UBE2V2: variants seen among roughly 807,000 people sequenced by gnomAD.
The protein encoded by UBE2V2 is ubiquitin-conjugating enzyme E2 variant 2.
A neutral mutation model predicts 17.2 loss-of-function variants in UBE2V2; 9 were observed. The observed-to-expected ratio is 0.52, with a 90% confidence interval of 0.32 to 0.91. The LOEUF is 0.91. Ranked by LOEUF, UBE2V2 falls within the 40% of genes least tolerant of loss-of-function variation. The probability of loss-of-function intolerance (pLI) is 0.04; values close to 1 mark genes in which losing one functional copy is unlikely to be tolerated. For synonymous variants in UBE2V2, 61 were observed against 57.5 expected (o/e 1.06, Z -0.28); for missense variants, 133 against 182.6 (o/e 0.73, Z 1.56).
At chr8:48,028,722 G>A (rs1405220717) in intron 1 of UBE2V2, among the ~76,000 whole-genome samples, 1 of 152,100 alleles carries the variant, frequency 6.6e-6, no homozygotes, top group Non-Finnish European at 1.5e-5. Flanking sequence ...CTGACCTCAA[G>A]TGATCTGCCT....
chr8:48,028,770 G>A (rs1778796807), intron 1 of UBE2V2, among the ~76,000 whole-genome samples: 1 of 152,160 alleles, frequency 6.6e-6, no homozygotes, highest in Non-Finnish European at 1.5e-5. Flanking sequence ...ACAGGTGTGA[G>A]CTACTGCACC....
chr8:48,040,863 T>G lies in UBE2V2; in HGVS notation c.17-2170T>G, dbSNP rs1160027150. ...GGCTGGGTTTTTTTTTTTTTTTTTT[T>G]TTTGTGTGTGTGTGTGTGTGAGACA... On this transcript the variant is annotated intron_variant, in intron 1 of 3. Coordinates refer to ENST00000523111, the MANE Select transcript of UBE2V2 (RefSeq NM_003350.3). 3.0e-4 allele frequency among the ~76,000 whole-genome samples: 43 copies of G among 142,216 alleles called. 1 individual carries two copies. Among genetic ancestry groups the G allele is most frequent in the African/African-American group, 1.1e-3 (41 of 38,390 alleles). 93.3% of individuals were successfully genotyped at this position (142,216 alleles called of 152,430 possible).
At chr8:48,044,768 C>T (rs1166487319) in intron 2 of UBE2V2, among the ~76,000 whole-genome samples, 1 of 152,100 alleles carries the variant, frequency 6.6e-6, no homozygotes, top group Non-Finnish European at 1.5e-5. Context: ...AATTGATGAA[C>T]ATTCTGACTT....
intron 3 of UBE2V2, among the ~76,000 whole-genome samples, chr8:48,053,642 T>C (rs2091553709): frequency 6.6e-6 from 1 of 151,720 alleles, no homozygotes; most frequent in Non-Finnish European, 1.5e-5. Flanking sequence ...GTTAGGCTGG[T>C]CTCAAACTCC....
chr8:48,028,836 C>T (rs1295340004), intron 1 of UBE2V2, among the ~76,000 whole-genome samples: 6 of 152,056 alleles, frequency 3.9e-5, no homozygotes, highest in African/African-American at 4.8e-5. Context: ...GTTGAGTTAT[C>T]GGAGTTCTTT....
chr8:48,046,827 C>T (rs2091503111), intron 2 of UBE2V2, among the ~76,000 whole-genome samples: 1 of 151,900 alleles, frequency 6.6e-6, no homozygotes, highest in South Asian at 2.1e-4. Flanking sequence ...TCTCAAACTC[C>T]TGGGCTCAAA....
chr8:48,003,412 A>G, the UBE2V2 span, among the ~76,000 whole-genome samples: 1 of 152,128 alleles, frequency 6.6e-6, no homozygotes, highest in South Asian at 2.1e-4. Context: ...AAGTGGTTGA[A>G]CTTTGTCCTC....
At chr8:48,024,086 A>G (rs2091323839) in intron 1 of UBE2V2, among the ~76,000 whole-genome samples, 1 of 152,230 alleles carries the variant, frequency 6.6e-6, no homozygotes, top group South Asian at 2.1e-4. Flanking sequence ...GCTGGAACTC[A>G]GCAGCTGTTT....
intron 2 of UBE2V2, among the ~76,000 whole-genome samples, chr8:48,048,932 T>C (rs937323259): frequency 2.0e-5 from 3 of 152,066 alleles, no homozygotes; most frequent in African/African-American, 7.2e-5. Flanking sequence ...TATAATTCTC[T>C]TTAAAACAAT....
chr8:48,045,646 A>T (rs1395646779), intron 2 of UBE2V2, among the ~76,000 whole-genome samples: 1 of 152,084 alleles, frequency 6.6e-6, no homozygotes, highest in Non-Finnish European at 1.5e-5. Context: ...TATGTCCTGA[A>T]CCTCATCAGA....
intron 3 of UBE2V2, among the ~76,000 whole-genome samples, chr8:48,054,787 T>C (rs748877537): frequency 3.3e-5 from 5 of 152,348 alleles, no homozygotes; most frequent in Admixed American, 2.6e-4. Flanking sequence ...TATTGTCTTA[T>C]GCAGTGAGAT....
Position 48,008,483 on chromosome 8 carries a change from G to C in UBE2V2, c.16+13G>C, listed in dbSNP as rs2091201769. 6.4e-7 allele frequency: 1 copy of C among 1,566,692 alleles called. No homozygotes were observed. Among genetic ancestry groups the C allele is most frequent in the South Asian group, 1.2e-5 (1 of 86,912 alleles). On this transcript the variant is annotated intron_variant, in intron 1 of 3. Coordinates refer to ENST00000523111, the MANE Select transcript of UBE2V2 (RefSeq NM_003350.3). Reference sequence around the variant, plus strand: ...GCGGTCTCCACAGGTCGGTTCCCGGGCCGGGCTGCGTGATTTTCCGCTCCG... The same window carrying C: ...GCGGTCTCCACAGGTCGGTTCCCGGCCCGGGCTGCGTGATTTTCCGCTCCG...
intron 1 of UBE2V2, among the ~76,000 whole-genome samples, chr8:48,020,706 A>G (rs562617186): frequency 6.6e-6 from 1 of 152,230 alleles, no homozygotes; most frequent in South Asian, 2.1e-4. Context: ...CATGGGCTCA[A>G]GCCGTCTTCT....
rs777021338 is a variant in UBE2V2 at position 48,008,481 on chromosome 8, G to T, written c.16+11G>T. ...TGGCGGTCTCCACAGGTCGGTTCCC[G>T]GGCCGGGCTGCGTGATTTTCCGCTC... On this transcript the variant is annotated intron_variant, in intron 1 of 3. Coordinates refer to ENST00000523111, the MANE Select transcript of UBE2V2 (RefSeq NM_003350.3). The T allele has an allele frequency of 1.2e-5, 19 of 1,566,896 alleles. No individual in the cohort carries two copies. Among genetic ancestry groups the T allele is most frequent in the Non-Finnish European group, 1.5e-5 (17 of 1,158,722 alleles).
intron 3 of UBE2V2, among the ~76,000 whole-genome samples, chr8:48,052,199 A>G (rs947203270): frequency 1.3e-5 from 2 of 152,138 alleles, no homozygotes; most frequent in African/African-American, 2.4e-5. Flanking sequence ...TATAAAGCAT[A>G]TGAGTACACA....
At chr8:48,043,546 A>G (rs1407158248) in intron 2 of UBE2V2, 3 of 155,804 alleles carry the variant, frequency 1.9e-5, no homozygotes, top group Non-Finnish European at 4.2e-5. Flanking sequence ...TGCCTTTGGA[A>G]TGATCCCTAA....
chr8:48,050,849 AC>A (rs1335451615), intron 3 of UBE2V2, among the ~76,000 whole-genome samples: 1 of 152,072 alleles, frequency 6.6e-6, no homozygotes, highest in Admixed American at 6.6e-5. Context: ...CTGTGTTGAA[AC>A]AGTCATGGCT....
At chr8:48,042,872 T>G in intron 1 of UBE2V2, 161 bp from the exon 2 acceptor site, 2 of 593,208 alleles carry the variant, frequency 3.4e-6, no homozygotes, top group Non-Finnish European at 5.2e-6. Flanking sequence ...TTTGAGGGGT[T>G]ATTAGATTCA....
At chr8:47,999,977 C>T in the UBE2V2 span, among the ~76,000 whole-genome samples, 1 of 152,198 alleles carries the variant, frequency 6.6e-6, no homozygotes, top group African/African-American at 2.4e-5. Context: ...GGGATTTTCA[C>T]AATGCTTTTC....
Sources: allele counts gnomAD v4.1 joint callset (sites outside exome capture counted in the v4.1 genomes callset), GRCh38; gene constraint gnomAD v4.1.1; transcripts MANE v1.5; gene names NCBI Gene and HGNC (gene_info 2026-07-23, HGNC 2026-07-21).